TYW1: variants seen among roughly 807,000 people sequenced by gnomAD.
TYW1 encodes tRNA-yW synthesizing protein 1 homolog, also known as S-adenosyl-L-methionine-dependent tRNA 4-demethylwyosine synthase TYW1.
Under a neutral mutation model 96.2 loss-of-function variants are expected in TYW1, and 46 were observed. That is an observed-to-expected ratio of 0.48 (90% confidence interval 0.38 to 0.61). TYW1 has a LOEUF of 0.61. TYW1 is among the 20% of genes least tolerant of loss of function. The probability of loss-of-function intolerance (pLI) is 0.00; values close to 1 mark genes in which losing one functional copy is unlikely to be tolerated. For synonymous variants in TYW1, 274 were observed against 323.0 expected (o/e 0.85, Z 1.63); for missense variants, 684 against 909.6 (o/e 0.75, Z 3.19).
At chr7:67,218,049 G>T (rs1233674788) in intron 15 of TYW1, among the ~76,000 whole-genome samples, 1 of 150,916 alleles carries the variant, frequency 6.6e-6, no homozygotes, top group African/African-American at 2.4e-5. Context: ...AGTAGAGATG[G>T]GATTTCACCA....
chr7:67,083,976 A>G (rs185513086), intron 11 of TYW1, among the ~76,000 whole-genome samples: 1 of 152,362 alleles, frequency 6.6e-6, no homozygotes, highest in African/African-American at 2.4e-5. Flanking sequence ...CAGAGGTTGC[A>G]GTGAGCCAAG....
At chr7:67,195,420 A>C in intron 15 of TYW1, 83 bp downstream of exon 15, 3 of 1,595,914 alleles carry the variant, frequency 1.9e-6, no homozygotes, top group Non-Finnish European at 2.6e-6. Flanking sequence ...TTCCTCTTAC[A>C]TTGTTATAGG....
chr7:67,061,485 A>G (rs1795693693), intron 9 of TYW1, among the ~76,000 whole-genome samples: 1 of 152,206 alleles, frequency 6.6e-6, no homozygotes, highest in Admixed American at 6.5e-5. Flanking sequence ...TGAGCTAGGA[A>G]GCCAAACCAG....
chr7:67,023,488 C>T (rs1390079237), intron 6 of TYW1, among the ~76,000 whole-genome samples: 2 of 152,066 alleles, frequency 1.3e-5, no homozygotes, highest in African/African-American at 2.4e-5. Flanking sequence ...TCTTTATCAG[C>T]TGGGCACGGT....
intron 13 of TYW1, among the ~76,000 whole-genome samples, chr7:67,133,820 C>G (rs1798163912): frequency 6.6e-6 from 1 of 151,328 alleles, no homozygotes; most frequent in Admixed American, 6.6e-5. Context: ...GGCTGTTTGC[C>G]TTTGTCTAGA....
chr7:67,071,609 T>C (rs1188951965), intron 10 of TYW1, among the ~76,000 whole-genome samples: 1 of 148,068 alleles, frequency 6.8e-6, no homozygotes, highest in Non-Finnish European at 1.5e-5. Context: ...TGTGCTACTA[T>C]ACCTGGCTAA....
chr7:67,167,468 CAAAAAAAAAAAAAA>C (rs869281504), intron 13 of TYW1, among the ~76,000 whole-genome samples: 14 of 78,802 alleles, frequency 1.8e-4, no homozygotes, highest in Admixed American at 3.3e-4. Flanking sequence ...GACTCTGTCT[CAAAAAAAAAAAAAA>C]AAAAAAAAAA....
At chr7:67,037,188 A>G (rs1291777362) in intron 7 of TYW1, among the ~76,000 whole-genome samples, 1 of 152,140 alleles carries the variant, frequency 6.6e-6, no homozygotes, top group Non-Finnish European at 1.5e-5. Context: ...TATCAGATGT[A>G]GTCTGAAGGG....
chr7:67,083,089 C>T (rs1357452868), intron 10 of TYW1, among the ~76,000 whole-genome samples: 9 of 152,138 alleles, frequency 5.9e-5, no homozygotes, highest in East Asian at 3.9e-4. Context: ...GAAGTGTCGA[C>T]GTAGATGACA....
chr7:67,086,161 TGG>T (rs1469447863), intron 11 of TYW1, among the ~76,000 whole-genome samples: 1 of 151,688 alleles, frequency 6.6e-6, no homozygotes, highest in Non-Finnish European at 1.5e-5. Flanking sequence ...TGGCGGGAGG[TGG>T]GGTACAAGTT....
intron 8 of TYW1, among the ~76,000 whole-genome samples, chr7:67,055,221 T>G (rs1795471027): frequency 6.6e-6 from 1 of 152,200 alleles, no homozygotes; most frequent in Non-Finnish European, 1.5e-5. Context: ...CTTACATCTT[T>G]TAGAGCTTTA....
At chr7:67,176,243 T>C (rs919984017) in intron 13 of TYW1, among the ~76,000 whole-genome samples, 14 of 152,220 alleles carry the variant, frequency 9.2e-5, no homozygotes, top group Admixed American at 8.5e-4. Flanking sequence ...AACTATAAAA[T>C]ATTATTGAGA....
intron 7 of TYW1, among the ~76,000 whole-genome samples, chr7:67,043,380 C>CTTTT: frequency 7.2e-6 from 1 of 138,264 alleles, no homozygotes. Context: ...TTTTTTCCTG[C>CTTTT]AGTAAATAAA....
At chr7:67,139,600 C>T (rs562962982) in intron 13 of TYW1, among the ~76,000 whole-genome samples, 5 of 152,226 alleles carry the variant, frequency 3.3e-5, no homozygotes, top group African/African-American at 1.2e-4. Flanking sequence ...AAAAGTTGGC[C>T]TTCTCTATTC....
At chr7:67,089,635 A>C (rs1796653741) in intron 11 of TYW1, among the ~76,000 whole-genome samples, 1 of 152,154 alleles carries the variant, frequency 6.6e-6, no homozygotes, top group Non-Finnish European at 1.5e-5. Context: ...TGAGTTCCCC[A>C]ACTGGAGCTA....
intron 15 of TYW1, among the ~76,000 whole-genome samples, chr7:67,224,507 GCA>G (rs1010429620): frequency 2.6e-5 from 4 of 152,168 alleles, no homozygotes; most frequent in African/African-American, 9.7e-5. Context: ...GTTCCTGCTG[GCA>G]CAGTTTCCTT....
chr7:67,161,181 T>C (rs554543160), intron 13 of TYW1, among the ~76,000 whole-genome samples: 2 of 152,342 alleles, frequency 1.3e-5, no homozygotes, highest in Non-Finnish European at 2.9e-5. Flanking sequence ...TCTTCAAAAT[T>C]GTTTTTTTCC....
intron 11 of TYW1, among the ~76,000 whole-genome samples, chr7:67,086,822 G>A (rs1257199653): frequency 3.9e-5 from 6 of 152,116 alleles, no homozygotes; most frequent in East Asian, 1.9e-4. Context: ...TCTGGACGCC[G>A]TGACCCAGAC....
chr7:67,156,405 G>A (rs1339953379), intron 13 of TYW1, among the ~76,000 whole-genome samples: 2 of 152,246 alleles, frequency 1.3e-5, no homozygotes, highest in Non-Finnish European at 2.9e-5. Flanking sequence ...CATGCCCAGA[G>A]AAACCACGTT....
Sources: allele counts gnomAD v4.1 joint callset (sites outside exome capture counted in the v4.1 genomes callset), GRCh38; gene constraint gnomAD v4.1.1; transcripts MANE v1.5; gene names NCBI Gene and HGNC (gene_info 2026-07-23, HGNC 2026-07-21).